Variants in RCSD1 observed in about 807,000 individuals in gnomAD.
RCSD1 encodes the protein capZ-interacting protein.
Under a neutral mutation model 42.5 loss-of-function variants are expected in RCSD1, and 26 were observed. That is an observed-to-expected ratio of 0.61 (90% confidence interval 0.45 to 0.85). RCSD1 has a LOEUF of 0.85. Ranked by LOEUF, RCSD1 falls within the 40% of genes least tolerant of loss-of-function variation. The pLI, the probability that RCSD1 is intolerant of heterozygous loss-of-function variation, is 0.00. For synonymous variants in RCSD1, 220 were observed against 212.2 expected (o/e 1.04, Z -0.32); for missense variants, 571 against 528.3 (o/e 1.08, Z -0.79).
intron 1 of RCSD1, among the ~76,000 whole-genome samples, chr1:167,683,024 A>G (rs1659121960): frequency 6.6e-6 from 1 of 152,174 alleles, no homozygotes; most frequent in African/African-American, 2.4e-5. Context: ...TCACTGACTT[A>G]CTCTGTGTGT....
intron 1 of RCSD1, among the ~76,000 whole-genome samples, chr1:167,644,115 G>C (rs1201707145): frequency 6.6e-6 from 1 of 152,170 alleles, no homozygotes; most frequent in Non-Finnish European, 1.5e-5. Context: ...GCATAGAATA[G>C]CAAATCCAAG....
In RCSD1 at chr1:167,697,424, G is replaced by A. The variant is rs1050658485; in HGVS notation, c.800G>A (p.Ser267Asn). 2 of 1,612,940 alleles carry A rather than the reference G, an allele frequency of 1.2e-6. No homozygotes were observed. Among genetic ancestry groups the A allele is most frequent in the African/African-American group, 1.3e-5 (1 of 75,012 alleles). The change falls in exon 6 of 7, where the codon AGT becomes AAT. Residue 267 changes from serine (S) to asparagine (N), a missense_variant. By Grantham distance (46) the Ser-to-Asn change is conservative. Transcript: ENST00000367854. Reference protein sequence around the residue: ...EAKNGEKARRSSEEVDGQHPA... With the variant: ...EAKNGEKARRNSEEVDGQHPA... ...AAGAACGGTGAAAAGGCCAGGCGGAGTTCAGAGGAGGTGGACGGCCAGCAC... is the reference window on the plus strand; with the variant it reads ...AAGAACGGTGAAAAGGCCAGGCGGAATTCAGAGGAGGTGGACGGCCAGCAC...
intron 1 of RCSD1, among the ~76,000 whole-genome samples, chr1:167,650,347 C>G (rs1658271261): frequency 6.6e-6 from 1 of 152,138 alleles, no homozygotes; most frequent in Non-Finnish European, 1.5e-5. Flanking sequence ...GCGTTCACCT[C>G]CCCTCTGGCC....
chr1:167,680,820 C>T (rs116343429), intron 1 of RCSD1, among the ~76,000 whole-genome samples: 3,457 of 152,290 alleles, frequency 0.023, 128 homozygotes, highest in African/African-American at 0.077. Flanking sequence ...TTATGGACAT[C>T]ACAGGAACAG....
intron 1 of RCSD1, among the ~76,000 whole-genome samples, chr1:167,662,007 C>T (rs1658551486): frequency 6.6e-6 from 1 of 152,118 alleles, no homozygotes; most frequent in Admixed American, 6.5e-5. Context: ...GTCTGGGAGC[C>T]CCCTGAGGGA....
intron 1 of RCSD1, 43 bp downstream of exon 1, chr1:167,630,472 G>A (rs961151457): frequency 1.3e-5 from 19 of 1,514,372 alleles, no homozygotes; most frequent in Non-Finnish European, 1.6e-5. Context: ...GCGGTGAGCG[G>A]TGTATCGGGC....
intron 1 of RCSD1, among the ~76,000 whole-genome samples, chr1:167,656,783 G>C (rs1192314533): frequency 6.6e-6 from 1 of 152,202 alleles, no homozygotes; most frequent in Non-Finnish European, 1.5e-5. Flanking sequence ...CTACAAAGCT[G>C]GGCCTGGATG....
chr1:167,691,104 C>T (rs1035410064), intron 4 of RCSD1, among the ~76,000 whole-genome samples: 2 of 152,214 alleles, frequency 1.3e-5, no homozygotes, highest in African/African-American at 4.8e-5. Flanking sequence ...TGGCATTACT[C>T]GAGCTGGATA....
At chr1:167,677,394 A>G (rs1658978449) in intron 1 of RCSD1, among the ~76,000 whole-genome samples, 1 of 152,240 alleles carries the variant, frequency 6.6e-6, no homozygotes, top group African/African-American at 2.4e-5. Context: ...GTGAACCAAA[A>G]TTATCTGAGA....
At chr1:167,680,936 C>T (rs1397550171) in intron 1 of RCSD1, among the ~76,000 whole-genome samples, 3 of 152,194 alleles carry the variant, frequency 2.0e-5, no homozygotes, top group South Asian at 2.1e-4. Context: ...AGGGTATGGC[C>T]TTAGCGGGAC....
In RCSD1 at chr1:167,694,212, T is replaced by C; in HGVS notation, c.384T>C (p.Pro128=). Residue 128 remains proline, a synonymous_variant, in exon 5 of 7, where the codon CCT becomes CCC. Transcript: ENST00000367854. The part of the protein sequence containing the change: ...FHSPPSTPSS[P]GVRSRPSEAE... ...GCCCACCTTCTACCCCCAGCAGCCC[T>C]GGTGTGCGATCTAGGCCCAGCGAGG... 1 of 1,614,200 alleles carries C rather than the reference T, an allele frequency of 6.2e-7. No homozygotes were observed. Among genetic ancestry groups the C allele is most frequent in the Non-Finnish European group, 8.5e-7 (1 of 1,180,030 alleles).
intron 1 of RCSD1, among the ~76,000 whole-genome samples, chr1:167,669,687 A>T (rs953480207): frequency 6.6e-6 from 1 of 152,114 alleles, no homozygotes; most frequent in African/African-American, 2.4e-5. Context: ...TCTGCGTGTG[A>T]CCTGGATCCA....
chr1:167,705,615 G>A lies in RCSD1; in HGVS notation c.*919G>A, dbSNP rs759194416. 6.6e-6 allele frequency: 1 copy of A among 152,186 alleles called. No individual in the cohort carries two copies. Among genetic ancestry groups the A allele is most frequent in the Non-Finnish European group, 1.5e-5 (1 of 68,026 alleles). The allele number at this position is 152,186 out of a possible 1,614,324, so 9.4% of individuals were successfully genotyped here. ...TTGAGCATGGATTAGATGTTTCCTG[G>A]GAGGTGCCTTGAGTACCATTATGTG... On this transcript the variant is annotated 3_prime_UTR_variant, in exon 7 of 7. Transcript: ENST00000367854.
chr1:167,635,139 G>A (rs1044856372), intron 1 of RCSD1, among the ~76,000 whole-genome samples: 2 of 152,048 alleles, frequency 1.3e-5, no homozygotes, highest in East Asian at 1.9e-4. Flanking sequence ...ATATTTCACC[G>A]TGAAACACTA....
chr1:167,699,517 C>T (rs79765303), intron 6 of RCSD1, among the ~76,000 whole-genome samples: 3,648 of 152,242 alleles, frequency 0.024, 57 homozygotes, highest in African/African-American at 0.032. Context: ...CTCCATCACA[C>T]GGCCTTTCAC....
intron 1 of RCSD1, among the ~76,000 whole-genome samples, chr1:167,669,903 C>G (rs1658760297): frequency 6.6e-6 from 1 of 152,098 alleles, no homozygotes; most frequent in Non-Finnish European, 1.5e-5. Flanking sequence ...GGGGCTGGGT[C>G]CTTAGGAAAT....
intron 1 of RCSD1, among the ~76,000 whole-genome samples, chr1:167,675,530 T>A (rs900037100): frequency 2.0e-5 from 3 of 152,058 alleles, no homozygotes; most frequent in African/African-American, 7.2e-5. Context: ...GAATTCAAGA[T>A]GAGATTTGGG....
At chr1:167,665,451 A>T (rs1345950632) in intron 1 of RCSD1, among the ~76,000 whole-genome samples, 1 of 152,254 alleles carries the variant, frequency 6.6e-6, no homozygotes, top group East Asian at 1.9e-4. Flanking sequence ...TTATGTGAAC[A>T]TAAGCTTTCA....
At chr1:167,677,248 A>G (rs1226087784) in intron 1 of RCSD1, among the ~76,000 whole-genome samples, 23 of 152,168 alleles carry the variant, frequency 1.5e-4, no homozygotes, top group Non-Finnish European at 5.9e-5. Context: ...TGCATTCTAC[A>G]GTGTCTACAG....
Sources: gnomAD v4.1 joint callset for allele counts (sites outside exome capture counted in the v4.1 genomes callset) on GRCh38, gnomAD v4.1.1 for gene constraint, MANE v1.5 for transcripts, NCBI Gene and HGNC (gene_info 2026-07-23, HGNC 2026-07-21) for gene names.